Variants in ZCWPW2 observed in about 807,000 individuals in gnomAD.
ZCWPW2 encodes zinc finger CW-type and PWWP domain containing 2.
Under a neutral mutation model 46.6 loss-of-function variants are expected in ZCWPW2, and 45 were observed. That is an observed-to-expected ratio of 0.96 (90% CI 0.76 to 1.24). The LOEUF is 1.24. ZCWPW2 is among the 50% of genes most tolerant of loss of function. The probability of loss-of-function intolerance (pLI) is 0.00; values close to 1 mark genes in which losing one functional copy is unlikely to be tolerated. For synonymous variants in ZCWPW2, 152 were observed against 137.1 expected (o/e 1.11, Z -0.76); for missense variants, 429 against 403.9 (o/e 1.06, Z -0.53).
chr3:28,357,522 T>G (rs1427601324), intron 1 of ZCWPW2, among the ~76,000 whole-genome samples: 2 of 152,080 alleles, frequency 1.3e-5, no homozygotes, highest in Non-Finnish European at 2.9e-5. Flanking sequence ...GTGGGCAGCA[T>G]CATCCAATCC....
chr3:28,499,620 G>A (rs1331805998), intron 6 of ZCWPW2, among the ~76,000 whole-genome samples: 1 of 151,996 alleles, frequency 6.6e-6, no homozygotes, highest in Non-Finnish European at 1.5e-5. Flanking sequence ...TCTAATGATA[G>A]TTTCTTTTGC....
chr3:28,491,955 A>G (rs1160715146), intron 5 of ZCWPW2, among the ~76,000 whole-genome samples, 172 bp from the exon 6 acceptor site: 1 of 152,106 alleles, frequency 6.6e-6, no homozygotes, highest in Non-Finnish European at 1.5e-5. Context: ...GCATTGCTCT[A>G]CTAAACAATG....
chr3:28,350,238 G>C (rs996274436), intron 1 of ZCWPW2, among the ~76,000 whole-genome samples: 4 of 152,174 alleles, frequency 2.6e-5, no homozygotes, highest in African/African-American at 9.7e-5. Context: ...AGCAAAATTG[G>C]TTGAGGCATC....
intron 2 of ZCWPW2, among the ~76,000 whole-genome samples, chr3:28,409,120 T>G (rs976214217): frequency 1.5e-5 from 2 of 135,056 alleles, no homozygotes; most frequent in Non-Finnish European, 3.0e-5. Context: ...TTTTTTCTTT[T>G]TCTTTTTTTT....
intron 1 of ZCWPW2, among the ~76,000 whole-genome samples, chr3:28,376,462 G>A (rs1344066246): frequency 6.6e-6 from 1 of 152,088 alleles, no homozygotes; most frequent in Non-Finnish European, 1.5e-5. Context: ...AGAGGTATGA[G>A]TCTATTGCAC....
chr3:28,421,050 T>C (rs889857171), intron 3 of ZCWPW2, among the ~76,000 whole-genome samples: 1 of 152,186 alleles, frequency 6.6e-6, no homozygotes, highest in Admixed American at 6.6e-5. Flanking sequence ...TATTTAAACC[T>C]ATTTAGCAGG....
At chr3:28,455,181 C>T (rs549106216) in intron 4 of ZCWPW2, among the ~76,000 whole-genome samples, 1 of 152,146 alleles carries the variant, frequency 6.6e-6, no homozygotes, top group Non-Finnish European at 1.5e-5. Flanking sequence ...GCCATTCTGA[C>T]TGGTGTGAGA....
At chr3:28,441,112 G>T (rs551341672) in intron 4 of ZCWPW2, among the ~76,000 whole-genome samples, 1 of 152,310 alleles carries the variant, frequency 6.6e-6, no homozygotes, top group East Asian at 1.9e-4. Context: ...TGACAAAGAT[G>T]ACTGGGGAAA....
intron 1 of ZCWPW2, among the ~76,000 whole-genome samples, chr3:28,354,991 A>G (rs2125687467): frequency 6.9e-6 from 1 of 145,496 alleles, no homozygotes; most frequent in South Asian, 2.3e-4. Flanking sequence ...TAGTGTTGGA[A>G]GTTCTGGCCA....
chr3:28,412,412 T>A (rs1230818811), intron 2 of ZCWPW2, among the ~76,000 whole-genome samples: 1 of 152,014 alleles, frequency 6.6e-6, no homozygotes, highest in Admixed American at 6.6e-5. Context: ...TGTTGAAATA[T>A]TTTGCTGCAT....
chr3:28,439,921 A>G (rs1697679239), intron 4 of ZCWPW2, among the ~76,000 whole-genome samples: 1 of 152,146 alleles, frequency 6.6e-6, no homozygotes. Context: ...ATTGACAACT[A>G]CCTTCTTCTA....
intron 4 of ZCWPW2, among the ~76,000 whole-genome samples, chr3:28,460,252 C>CT (rs75406240): frequency 0.051 from 6,453 of 125,386 alleles, 317 homozygotes; most frequent in African/African-American, 0.13. Context: ...CAGAGCTAGA[C>CT]TTTTTTTTTT....
At chr3:28,493,089 GCTTTT>G (rs1699870972) in intron 6 of ZCWPW2, among the ~76,000 whole-genome samples, 1 of 67,338 alleles carries the variant, frequency 1.5e-5, no homozygotes, top group South Asian at 5.3e-4. Flanking sequence ...AGGAATCTTG[GCTTTT>G]CTTTTTTTTT....
At chr3:28,466,256 G>T (rs1027795503) in intron 4 of ZCWPW2, among the ~76,000 whole-genome samples, 2 of 152,106 alleles carry the variant, frequency 1.3e-5, no homozygotes, top group African/African-American at 4.8e-5. Context: ...CCTGGGTGAT[G>T]AAATAATCTG....
chr3:28,383,248 A>G (rs890707442), intron 1 of ZCWPW2, among the ~76,000 whole-genome samples: 1 of 152,116 alleles, frequency 6.6e-6, no homozygotes, highest in South Asian at 2.1e-4. Flanking sequence ...GAAAGAACCT[A>G]TGCAAATAGT....
At chr3:28,522,296 G>A (rs1700744412) in intron 9 of ZCWPW2, among the ~76,000 whole-genome samples, 1 of 152,164 alleles carries the variant, frequency 6.6e-6, no homozygotes, top group Non-Finnish European at 1.5e-5. Context: ...AAAGTGCTTT[G>A]CATAGGAACA....
intron 1 of ZCWPW2, among the ~76,000 whole-genome samples, chr3:28,367,177 C>G (rs1328055157): frequency 1.3e-5 from 2 of 151,916 alleles, no homozygotes; most frequent in Non-Finnish European, 2.9e-5. Flanking sequence ...TATTTCTTGC[C>G]TTCTGCTAGC....
At chr3:28,383,604 G>C (rs899354504) in intron 1 of ZCWPW2, among the ~76,000 whole-genome samples, 2 of 151,864 alleles carry the variant, frequency 1.3e-5, no homozygotes, top group Non-Finnish European at 2.9e-5. Flanking sequence ...GAAGATAAGA[G>C]GTGTGTGTTA....
chr3:28,434,989 A>G, intron 3 of ZCWPW2, 121 bp from the exon 4 acceptor site: 2 of 969,028 alleles, frequency 2.1e-6, no homozygotes, highest in Non-Finnish European at 3.1e-6. Context: ...ATAAGTAGGA[A>G]TATATGTTTT....
Sources: gnomAD v4.1 joint callset for allele counts (sites outside exome capture counted in the v4.1 genomes callset) on GRCh38, gnomAD v4.1.1 for gene constraint, MANE v1.5 for transcripts, NCBI Gene and HGNC (gene_info 2026-07-23, HGNC 2026-07-21) for gene names.